The following ZNF786 variants were observed in gnomAD, a reference collection of about 807,000 sequenced individuals.
The protein encoded by ZNF786 is zinc finger protein 786.
ZNF786 carries 56 observed loss-of-function variants against 63.1 expected under a neutral mutation model. The observed-to-expected ratio is 0.89, with a 90% CI of 0.72 to 1.11. The LOEUF (loss-of-function observed/expected upper bound fraction) is 1.11, where lower values mean the gene tolerates loss of function less well. Ranked by LOEUF, ZNF786 falls within the 50% of genes least tolerant of loss-of-function variation. ZNF786 has a pLI of 0.00. For missense variants in ZNF786, 1,213 were observed against 1,041.8 expected, an observed-to-expected ratio of 1.16 and a Z score of -2.26; for synonymous variants, 485 against 406.9, an observed-to-expected ratio of 1.19 and a Z score of -2.31.
Position 149,072,205 on chromosome 7 carries a change from C to A in ZNF786, c.567G>T (p.Trp189Cys). 6.2e-7 allele frequency: 1 copy of A among 1,613,548 alleles called. No individual in the cohort carries two copies. Among genetic ancestry groups the A allele is most frequent in the Non-Finnish European group, 8.5e-7 (1 of 1,179,770 alleles). Residue 189 changes from tryptophan (W) to cysteine (C), a missense_variant, in exon 4 of 4, where the codon TGG (tryptophan) becomes TGT (cysteine). Coordinates refer to ENST00000491431, the MANE Select transcript of ZNF786 (RefSeq NM_152411.4). ...VPAWESTQHPWPVCGESCWEN... is the reference protein window; with the variant it reads ...VPAWESTQHPCPVCGESCWEN... ...CCCAACAGCTTTCCCCGCAGACAGG[C>A]CAAGGGTGCTGGGTGCTCTCCCAGG...
chr7:149,070,569 CACA>C lies in ZNF786; in HGVS notation c.2200_2202del (p.Cys734del). 1 of 1,614,042 alleles carries C rather than the reference CACA, an allele frequency of 6.2e-7. No homozygotes were observed. The highest frequency in any genetic ancestry group is 1.1e-5 in the South Asian group (1 of 91,082). ...TAAATGAAGCCCTTCCCACAATCGCCACAGGCAAAGGGCCTCTCGGGCCTGTGG... is the reference window on the plus strand; with the variant it reads ...TAAATGAAGCCCTTCCCACAATCGCCGGCAAAGGGCCTCTCGGGCCTGTGG... On this transcript the variant is annotated inframe_deletion, in exon 4 of 4. Coordinates refer to ENST00000491431, the MANE Select transcript of ZNF786 (RefSeq NM_152411.4).
chr7:149,079,297 T>C (rs1437809065), intron 2 of ZNF786, among the ~76,000 whole-genome samples: 1 of 151,506 alleles, frequency 6.6e-6, no homozygotes, highest in Non-Finnish European at 1.5e-5. Context: ...TAGTCCCAGC[T>C]ACTCGGGAGG....
rs1193817593 is a variant in ZNF786 at position 149,072,194 on chromosome 7, C to T, written c.578G>A (p.Gly193Glu). 6.2e-7 allele frequency: 1 copy of T among 1,613,514 alleles called. No individual in the cohort carries two copies. The highest frequency in any genetic ancestry group is 1.1e-5 in the South Asian group (1 of 91,002). Residue 193 changes from glycine (G) to glutamate (E), a missense_variant, in exon 4 of 4, where the codon GGG becomes GAG. Physicochemically the swap from Gly to Glu is moderately conservative, Grantham distance 98. Transcript: ENST00000491431. The part of the protein sequence containing the change: ...ESTQHPWPVC[G>E]ESCWENNHLV... ...ATGGTTGTTCTCCCAACAGCTTTCCCCGCAGACAGGCCAAGGGTGCTGGGT... is the reference window on the plus strand; with the variant it reads ...ATGGTTGTTCTCCCAACAGCTTTCCTCGCAGACAGGCCAAGGGTGCTGGGT...
Position 149,070,846 on chromosome 7 carries a change from C to G in ZNF786, c.1926G>C (p.Leu642=). 6.2e-7 allele frequency: 1 copy of G among 1,613,788 alleles called. No individual in the cohort carries two copies. The highest frequency in any genetic ancestry group is 8.5e-7 in the Non-Finnish European group (1 of 1,179,948). Residue 642 remains leucine (L), a synonymous_variant, in exon 4 of 4, where the codon CTG becomes CTC. Transcript: ENST00000491431. ...VKADMKAHQL[L]HSGEMPFSCE... ...AGGAGAAAGGCATCTCCCCGCTGTG[C>G]AGCAGCTGGTGGGCCTTCATGTCGG... is the stretch of plus-strand genomic sequence containing the variant.
Position 149,069,909 on chromosome 7 carries a change from C to T in ZNF786, c.*514G>A, listed in dbSNP as rs1825367258. 6.5e-6 allele frequency: 1 copy of T among 154,868 alleles called. No individual in the cohort carries two copies. The highest frequency in any genetic ancestry group is 6.4e-5 in the Admixed American group (1 of 15,704). 9.6% of individuals were successfully genotyped at this position (154,868 alleles called of 1,614,324 possible). On this transcript the variant is annotated 3_prime_UTR_variant, in exon 4 of 4. Coordinates refer to ENST00000491431, the MANE Select transcript of ZNF786 (RefSeq NM_152411.4). ...GTGCTGGGATTACAGGCATGAACCA[C>T]TGTGCCTGGCCTAAATTTACTTTTA...
At chr7:149,076,030 T>C (rs1322839608) in intron 2 of ZNF786, among the ~76,000 whole-genome samples, 2 of 152,056 alleles carry the variant, frequency 1.3e-5, no homozygotes, top group African/African-American at 2.4e-5. Flanking sequence ...TCTCCAGACA[T>C]AAGCACTACC....
intron 2 of ZNF786, among the ~76,000 whole-genome samples, chr7:149,077,172 C>T (rs1043020319): frequency 2.6e-5 from 4 of 152,184 alleles, no homozygotes; most frequent in African/African-American, 9.7e-5. Flanking sequence ...AGACTGTCTT[C>T]ATTATTCTTG....
At chr7:149,072,729 G>C (rs1421610849) in intron 3 of ZNF786, among the ~76,000 whole-genome samples, 2 of 152,202 alleles carry the variant, frequency 1.3e-5, no homozygotes, top group East Asian at 3.8e-4. Context: ...GTAAGCTCTG[G>C]AATCAGTCTG....
intron 1 of ZNF786, among the ~76,000 whole-genome samples, chr7:149,083,145 G>A (rs1320785277): frequency 2.0e-5 from 3 of 151,630 alleles, no homozygotes; most frequent in East Asian, 3.9e-4. Context: ...AATCTGCCTG[G>A]CTGGGCCTCC....
At chr7:149,082,115 G>A (rs189169728) in intron 1 of ZNF786, among the ~76,000 whole-genome samples, 20 of 152,276 alleles carry the variant, frequency 1.3e-4, no homozygotes, top group Admixed American at 1.2e-3. Flanking sequence ...GGCCTGGTGG[G>A]AGGCAACTGA....
At chr7:149,087,400 G>T (rs1039520148) in intron 1 of ZNF786, among the ~76,000 whole-genome samples, 1 of 152,118 alleles carries the variant, frequency 6.6e-6, no homozygotes, top group Non-Finnish European at 1.5e-5. Flanking sequence ...TTTGTCCCCT[G>T]GCAACATTTT....
intron 1 of ZNF786, among the ~76,000 whole-genome samples, chr7:149,086,065 A>T (rs1427559247): frequency 6.6e-6 from 1 of 152,144 alleles, no homozygotes; most frequent in East Asian, 1.9e-4. Flanking sequence ...TATTTGGATG[A>T]CTTTTATTTC....
chr7:149,074,048 C>A (rs1443507344), intron 3 of ZNF786, among the ~76,000 whole-genome samples: 1 of 151,800 alleles, frequency 6.6e-6, no homozygotes, highest in African/African-American at 2.4e-5. Flanking sequence ...CCGCCTCGGC[C>A]ACCCAAAGTG....
intron 2 of ZNF786, among the ~76,000 whole-genome samples, chr7:149,079,753 T>C (rs913542263): frequency 1.3e-5 from 2 of 150,312 alleles, no homozygotes; most frequent in Non-Finnish European, 3.0e-5. Flanking sequence ...GTATTTTTAG[T>C]AGAGACGGGG....
At position 149,071,813 on chromosome 7, in the gene ZNF786, C is replaced by T. The variant is rs746036104; in HGVS notation, c.959G>A (p.Arg320Gln). The change falls in exon 4 of 4, where the codon CGG becomes CAG. Residue 320 changes from arginine (R) to glutamine (Q), a missense_variant. Coordinates refer to ENST00000491431, the MANE Select transcript of ZNF786 (RefSeq NM_152411.4). ...TTCTCTCCAAGAGGCCGGCCCCTCC[C>T]GGCTGTGCTGGCACCGGCGAGCCTG... ...STQARRCQHS[R>Q]EGPASWREGR... The T allele has an allele frequency of 1.3e-6, 2 of 1,587,690 alleles. No homozygotes were observed. Among genetic ancestry groups the T allele is most frequent in the East Asian group, 2.2e-5 (1 of 44,572 alleles).
chr7:149,080,759 CA>C, intron 1 of ZNF786, 42 bp from the exon 2 acceptor site: 1 of 1,552,832 alleles, frequency 6.4e-7, no homozygotes, highest in Non-Finnish European at 8.7e-7. Flanking sequence ...ATGGTTGCTT[CA>C]AAATGACTCC....
chr7:149,070,808 T>C lies in ZNF786; in HGVS notation c.1964A>G (p.Lys655Arg). ...GAGCTTTGAGTGTTTCACAAAGCCC[T>C]TGCCGCACTCACAGGAGAAAGGCAT... is the stretch of plus-strand genomic sequence containing the variant. Reference protein sequence around the residue: ...GEMPFSCECGKGFVKHSKLIE... With the variant: ...GEMPFSCECGRGFVKHSKLIE... Residue 655 changes from lysine (K) to arginine (R), a missense_variant, in exon 4 of 4, where the codon AAG becomes AGG. Physicochemically the swap from Lys to Arg is conservative, Grantham distance 26. Coordinates refer to ENST00000491431, the MANE Select transcript of ZNF786 (RefSeq NM_152411.4). 3 of 1,613,800 alleles carry C rather than the reference T, an allele frequency of 1.9e-6. No individual in the cohort carries two copies. The highest frequency in any genetic ancestry group is 1.7e-6 in the Non-Finnish European group (2 of 1,179,918).
chr7:149,086,149 T>A (rs1825732214), intron 1 of ZNF786, among the ~76,000 whole-genome samples: 1 of 152,178 alleles, frequency 6.6e-6, no homozygotes. Flanking sequence ...TAGAGTTGAG[T>A]TTTAAAAACT....
chr7:149,077,214 T>C (rs1825567854), intron 2 of ZNF786, among the ~76,000 whole-genome samples: 3 of 152,234 alleles, frequency 2.0e-5, no homozygotes, highest in African/African-American at 7.2e-5. Context: ...TAGGATCAGC[T>C]TATCAAATTC....
Sources: gnomAD v4.1 joint callset for allele counts (sites outside exome capture counted in the v4.1 genomes callset) on GRCh38, gnomAD v4.1.1 for gene constraint, MANE v1.5 for transcripts, NCBI Gene and HGNC (gene_info 2026-07-23, HGNC 2026-07-21) for gene names.